CEP135: variants seen among roughly 807,000 people sequenced by gnomAD.
The protein encoded by CEP135 is centrosomal protein 135.
Under a neutral mutation model 157.3 loss-of-function variants are expected in CEP135, and 142 were observed. The observed-to-expected ratio is 0.90, with a 90% CI of 0.79 to 1.04. CEP135 has a LOEUF of 1.04. Ranked by LOEUF, CEP135 falls within the 50% of genes least tolerant of loss-of-function variation. The pLI, the probability that CEP135 is intolerant of heterozygous loss-of-function variation, is 0.00. For synonymous variants in CEP135, 396 were observed against 439.8 expected, an observed-to-expected ratio of 0.90 and a Z score of 1.25; for missense variants, 1,317 against 1,309.2, an observed-to-expected ratio of 1.01 and a Z score of -0.09.
chr4:56,023,086 A>C (rs1731021076), intron 24 of CEP135, among the ~76,000 whole-genome samples: 1 of 152,084 alleles, frequency 6.6e-6, no homozygotes, highest in Non-Finnish European at 1.5e-5. Context: ...TTTAAAAATT[A>C]GCTGGCCATG....
At chr4:55,970,124 G>A (rs557097535) in intron 9 of CEP135, among the ~76,000 whole-genome samples, 31 of 151,124 alleles carry the variant, frequency 2.1e-4, no homozygotes, top group South Asian at 1.5e-3. Context: ...CTCCCGCCCC[G>A]GCCTCCTAAA....
In CEP135 at chr4:56,011,894, G is replaced by A; in HGVS notation, c.2711G>A (p.Ser904Asn). 6.2e-7 allele frequency: 1 copy of A among 1,606,710 alleles called. No individual in the cohort carries two copies. The highest frequency in any genetic ancestry group is 8.5e-7 in the Non-Finnish European group (1 of 1,176,314). Reference protein sequence around the residue: ...EVKAHQAEGESSSVRLELLSI... With the variant: ...EVKAHQAEGENSSVRLELLSI... ...AAAGCCCATCAAGCTGAGGGAGAAA[G>A]CAGCTCAGTTCGACTGGAACTTCTT... Residue 904 changes from serine to asparagine, a missense_variant, in exon 21 of 26, where the codon AGC (serine) becomes AAC (asparagine). Physicochemically the swap from Ser to Asn is conservative, Grantham distance 46 (BLOSUM62 1). Transcript: ENST00000257287.
At chr4:55,988,581 AC>A (rs1371467379) in intron 14 of CEP135, among the ~76,000 whole-genome samples, 1 of 151,474 alleles carries the variant, frequency 6.6e-6, no homozygotes, top group Non-Finnish European at 1.5e-5. Flanking sequence ...AATCACTTGA[AC>A]CCAGGAGGTA....
At chr4:55,956,758 C>T (rs1728517769) in intron 4 of CEP135, among the ~76,000 whole-genome samples, 1 of 152,060 alleles carries the variant, frequency 6.6e-6, no homozygotes, top group Non-Finnish European at 1.5e-5. Context: ...TTACAGGTGC[C>T]CGTTACCACG....
In CEP135 at chr4:56,017,704, G is replaced by A. The variant is rs987443451; in HGVS notation, c.2859G>A (p.Met953Ile). 2 of 1,613,860 alleles carry A rather than the reference G, an allele frequency of 1.2e-6. No individual in the cohort carries two copies. Among genetic ancestry groups the A allele is most frequent in the Non-Finnish European group, 1.7e-6 (2 of 1,179,976 alleles). The change falls in exon 22 of 26, where the codon ATG becomes ATA. Residue 953 changes from methionine to isoleucine, a missense_variant. By Grantham distance (10) the Met-to-Ile change is conservative. Transcript: ENST00000257287. ...AGATCTCATCAATGGCAAAAGCCAT[G>A]TCTCGATTAGAAGAAGAGCTGAGAC... Reference protein sequence around the residue: ...ESQISSMAKAMSRLEEELRHQ... With the variant: ...ESQISSMAKAISRLEEELRHQ...
chr4:56,012,012 A>T (rs376327275), intron 21 of CEP135, 27 bp downstream of exon 21: 81 of 1,322,192 alleles, frequency 6.1e-5, no homozygotes, highest in Non-Finnish European at 7.3e-5. Flanking sequence ...TTTTGTAAAG[A>T]TGTTATTTAG....
rs944307044 is a variant in CEP135, at chr4:55,972,188, G to A, written c.1249+780G>A. Among the ~76,000 whole-genome samples, 24 of 152,168 alleles carry A rather than the reference G, an allele frequency of 1.6e-4. 1 individual carries two copies. The highest frequency in any genetic ancestry group is 1.1e-3 in the Admixed American group (17 of 15,272). On this transcript the variant is annotated intron_variant, in intron 10 of 25. Coordinates refer to ENST00000257287, the MANE Select transcript of CEP135 (RefSeq NM_025009.5). The stretch of plus-strand genomic sequence containing the variant: ...AATTTATTCATTCATTAATTTGACC[G>A]ATGTTTATGAATCACCTCCTGTGTG...
chr4:55,951,001 A>C (rs909144013), intron 1 of CEP135, among the ~76,000 whole-genome samples: 2 of 152,216 alleles, frequency 1.3e-5, no homozygotes, highest in African/African-American at 4.8e-5. Flanking sequence ...CTTGTTCATC[A>C]ACTTCATGTA....
chr4:55,969,995 T>A (rs1036877500), intron 9 of CEP135, among the ~76,000 whole-genome samples: 1 of 151,814 alleles, frequency 6.6e-6, no homozygotes, highest in African/African-American at 2.4e-5. Context: ...CACCTCAGCC[T>A]TCTGTGTGGT....
intron 24 of CEP135, among the ~76,000 whole-genome samples, chr4:56,021,525 A>G (rs1730971621): frequency 6.6e-6 from 1 of 152,184 alleles, no homozygotes; most frequent in Non-Finnish European, 1.5e-5. Flanking sequence ...TAACTTGAAA[A>G]TCAGTTGCCA....
intron 13 of CEP135, among the ~76,000 whole-genome samples, chr4:55,982,234 A>G (rs1729436143): frequency 6.6e-6 from 1 of 152,194 alleles, no homozygotes; most frequent in African/African-American, 2.4e-5. Context: ...GACTTCTCTC[A>G]TTAGCATAAT....
intron 3 of CEP135, among the ~76,000 whole-genome samples, chr4:55,953,563 G>C (rs926962358): frequency 6.6e-6 from 1 of 152,038 alleles, no homozygotes; most frequent in Non-Finnish European, 1.5e-5. Flanking sequence ...AAATACTATA[G>C]GGTATGTTGA....
chr4:55,990,690 A>G (rs1236426020), intron 14 of CEP135, among the ~76,000 whole-genome samples: 3 of 151,948 alleles, frequency 2.0e-5, no homozygotes, highest in Admixed American at 1.3e-4. Context: ...TATTGTAGAG[A>G]CAGGGTCTCA....
At chr4:55,953,437 G>A (rs542050715) in intron 3 of CEP135, among the ~76,000 whole-genome samples, 162 bp downstream of exon 3, 3 of 152,168 alleles carry the variant, frequency 2.0e-5, no homozygotes, top group Admixed American at 2.0e-4. Context: ...AGTTTAAGGT[G>A]GGAGGATTGC....
chr4:55,952,888 A>G (rs1240025711), intron 2 of CEP135, among the ~76,000 whole-genome samples, 197 bp from the exon 3 acceptor site: 1 of 152,198 alleles, frequency 6.6e-6, no homozygotes, highest in Non-Finnish European at 1.5e-5. Flanking sequence ...GCCAGATCTC[A>G]TGAGGCAATA....
In CEP135 at chr4:55,980,185, G is replaced by A. The variant is rs979521026; in HGVS notation, c.1516G>A (p.Asp506Asn). The change falls in exon 12 of 26, where the codon GAT becomes AAT. Residue 506 changes from aspartate to asparagine, a missense_variant. By Grantham distance (23) the Asp-to-Asn change is conservative. Coordinates refer to ENST00000257287, the MANE Select transcript of CEP135 (RefSeq NM_025009.5). ...AATTCATCAGATCACAAGAGAAAGA[G>A]ATGAACTTCAGCGTATGCTAGAAAG... ...SEIHQITRER[D>N]ELQRMLERFE... 3.1e-6 allele frequency: 5 copies of A among 1,610,936 alleles called. No homozygotes were observed. Among genetic ancestry groups the A allele is most frequent in the Non-Finnish European group, 4.2e-6 (5 of 1,178,414 alleles).
At chr4:55,951,863 T>G (rs1728370757) in intron 1 of CEP135, among the ~76,000 whole-genome samples, 1 of 152,214 alleles carries the variant, frequency 6.6e-6, no homozygotes, top group African/African-American at 2.4e-5. Flanking sequence ...CCTAGAAGCT[T>G]TAGGATTTTA....
At chr4:55,968,420 T>C (rs1476788526) in intron 8 of CEP135, among the ~76,000 whole-genome samples, 1 of 149,892 alleles carries the variant, frequency 6.7e-6, no homozygotes, top group Non-Finnish European at 1.5e-5. Context: ...CTAAAATGCA[T>C]ATGGAATCTC....
At chr4:55,952,466 T>G in intron 2 of CEP135, 1 of 347,350 alleles carries the variant, frequency 2.9e-6, no homozygotes, top group Non-Finnish European at 5.2e-6. Flanking sequence ...TTTCTGGGGG[T>G]TTTCTCTGTG....
Sources: allele counts gnomAD v4.1 joint callset (sites outside exome capture counted in the v4.1 genomes callset), GRCh38; gene constraint gnomAD v4.1.1; transcripts MANE v1.5; gene names NCBI Gene and HGNC (gene_info 2026-07-23, HGNC 2026-07-21).